Variants in MMP15 observed in about 807,000 individuals in gnomAD.
MMP15 encodes matrix metallopeptidase 15.
A neutral mutation model predicts 65.0 loss-of-function variants in MMP15; 36 were observed. That is an observed-to-expected ratio of 0.55 (90% confidence interval 0.42 to 0.73). The LOEUF (loss-of-function observed/expected upper bound fraction) is 0.73, where lower values mean the gene tolerates loss of function less well. Among genes scored for constraint, MMP15 ranks in the 30% least tolerant of loss-of-function variants. The pLI is 0.00. For synonymous variants in MMP15, 428 were observed against 410.2 expected (o/e 1.04, Z -0.52); for missense variants, 870 against 987.8 (o/e 0.88, Z 1.60).
In MMP15 at chr16:58,042,236, C is replaced by G. The variant is rs1230815831; in HGVS notation, c.1170C>G (p.Arg390=). The part of the protein sequence containing the change: ...LRGEMFVFKG[R]WFWRVRHNRV... Reference sequence around the variant, plus strand: ...TCACACTATGCCCTCCCCAGGGCCGCTGGTTCTGGCGAGTCCGGCACAACC... The same window carrying G: ...TCACACTATGCCCTCCCCAGGGCCGGTGGTTCTGGCGAGTCCGGCACAACC... The change falls in exon 7 of 10, where the codon CGC becomes CGG. Residue 390 remains arginine (R), a synonymous_variant. Coordinates refer to ENST00000219271, the MANE Select transcript of MMP15 (RefSeq NM_002428.4). The G allele has an allele frequency of 1.2e-6, 2 of 1,613,512 alleles. No homozygotes were observed. Among genetic ancestry groups the G allele is most frequent in the African/African-American group, 2.7e-5 (2 of 74,944 alleles).
chr16:58,028,673 C>G (rs935208391), intron 1 of MMP15, among the ~76,000 whole-genome samples: 3 of 152,332 alleles, frequency 2.0e-5, no homozygotes, highest in African/African-American at 7.2e-5. Context: ...AGGGTCACAG[C>G]TGGGACCTTC....
chr16:58,026,366 A>G lies in MMP15; in HGVS notation c.16A>G (p.Ser6Gly), dbSNP rs1308311784. The G allele has an allele frequency of 3.7e-6, 5 of 1,364,526 alleles. No individual in the cohort carries two copies. Among genetic ancestry groups the G allele is most frequent in the Non-Finnish European group, 4.7e-6 (5 of 1,066,536 alleles). The allele number at this position is 1,364,526 out of a possible 1,614,324, so 84.5% of individuals were successfully genotyped here. A position where few individuals can be genotyped will look rare whatever the true frequency, so the allele number is the denominator to read the frequency against. MGSDP[S>G]APGRPGWTGS... is the part of the protein sequence containing the mutation. ...CGCCGAGAGCATGGGCAGCGACCCG[A>G]GCGCGCCCGGACGGCCGGGCTGGAC... The change falls in exon 1 of 10, where the codon AGC (serine) becomes GGC (glycine). Residue 6 changes from serine (S) to glycine (G), a missense_variant. Physicochemically the swap from Ser to Gly is moderately conservative, Grantham distance 56. Coordinates refer to ENST00000219271, the MANE Select transcript of MMP15 (RefSeq NM_002428.4).
rs199918707 is a variant in MMP15 at position 58,043,402 on chromosome 16, T to C, written c.1454+42T>C. Reference sequence around the variant, plus strand: ...TCCCCTAAGGGGAGAAGGCCCCATCTAGGCCCCCCTCAACCTCAGGCCTAC... The same window carrying C: ...TCCCCTAAGGGGAGAAGGCCCCATCCAGGCCCCCCTCAACCTCAGGCCTAC... On this transcript the variant is annotated intron_variant, in intron 8 of 9. Coordinates refer to ENST00000219271, the MANE Select transcript of MMP15 (RefSeq NM_002428.4). 1,222 of 1,593,846 alleles carry C rather than the reference T, an allele frequency of 7.7e-4. 7 individuals carry two copies. Among genetic ancestry groups the C allele is most frequent in the South Asian group, 6.2e-3 (547 of 88,376 alleles).
chr16:58,043,205 T>C lies in MMP15; in HGVS notation c.1304-5T>C. 6.3e-7 allele frequency: 1 copy of C among 1,584,144 alleles called. No individual in the cohort carries two copies. The highest frequency in any genetic ancestry group is 8.6e-7 in the Non-Finnish European group (1 of 1,162,940). On this transcript the variant is annotated splice_region_variant and splice_polypyrimidine_tract_variant and intron_variant, in intron 7 of 9. Transcript: ENST00000219271. Reference sequence around the variant, plus strand: ...ACCTCACTGTGCCTGCCACCCCTCCTGTAGGTGACCGCTACTGGCTCTTTC... The same window carrying C: ...ACCTCACTGTGCCTGCCACCCCTCCCGTAGGTGACCGCTACTGGCTCTTTC...
chr16:58,030,349 C>T (rs1027244569), intron 1 of MMP15, among the ~76,000 whole-genome samples: 1 of 152,200 alleles, frequency 6.6e-6, no homozygotes, highest in African/African-American at 2.4e-5. Flanking sequence ...TCAGATAGGG[C>T]TGCTCCACAG....
chr16:58,037,417 A>G (rs550534552), intron 1 of MMP15, 55 bp from the exon 2 acceptor site: 151 of 1,592,772 alleles, frequency 9.5e-5, no homozygotes, highest in South Asian at 2.6e-4. Flanking sequence ...CAGGCTGTGC[A>G]TGTTTGGAGG....
At position 58,038,257 on chromosome 16, in the gene MMP15, A is replaced by G. The variant is rs1156307201; in HGVS notation, c.312-9A>G. 1.2e-6 allele frequency: 2 copies of G among 1,613,586 alleles called. No homozygotes were observed. Among genetic ancestry groups the G allele is most frequent in the Middle Eastern group, 1.7e-4 (1 of 6,056 alleles). On this transcript the variant is annotated splice_polypyrimidine_tract_variant and intron_variant, in intron 2 of 9. Coordinates refer to ENST00000219271, the MANE Select transcript of MMP15 (RefSeq NM_002428.4). Reference sequence around the variant, plus strand: ...GCTCCGTGCTCACCCCTCTGTGTCCATGTCCCAGGTGGATGAAGCGGCCCC... The same window carrying G: ...GCTCCGTGCTCACCCCTCTGTGTCCGTGTCCCAGGTGGATGAAGCGGCCCC...
rs1449437903 is a variant in MMP15, at chr16:58,026,456, C to T, written c.106C>T (p.Leu36Phe). Reference protein sequence around the residue: ...RPRLLPLLLVLLGCLGLGVAA... With the variant: ...RPRLLPLLLVFLGCLGLGVAA... ...GCGACTGCTGCCGCTGCTCCTGGTG[C>T]TTCTGGGCTGCCTGGGCCTTGGCGT... is the stretch of plus-strand genomic sequence containing the variant. The change falls in exon 1 of 10, where the codon CTT (leucine) becomes TTT (phenylalanine). Residue 36 changes from leucine (L) to phenylalanine (F), a missense_variant. Leu to Phe is a conservative substitution (Grantham distance 22). Coordinates refer to ENST00000219271, the MANE Select transcript of MMP15 (RefSeq NM_002428.4). 2 of 1,444,748 alleles carry T rather than the reference C, an allele frequency of 1.4e-6. No homozygotes were observed. Among genetic ancestry groups the T allele is most frequent in the Non-Finnish European group, 9.1e-7 (1 of 1,100,602 alleles). 89.5% of individuals were successfully genotyped at this position (1,444,748 alleles called of 1,614,324 possible).
At chr16:58,034,165 A>G (rs576638114) in intron 1 of MMP15, among the ~76,000 whole-genome samples, 1 of 152,374 alleles carries the variant, frequency 6.6e-6, no homozygotes. Flanking sequence ...CTGTGACTCT[A>G]GGTGACAGGA....
Position 58,026,582 on chromosome 16 carries a change from T to C in MMP15, c.162+70T>C, listed in dbSNP as rs1247747730. On this transcript the variant is annotated intron_variant, in intron 1 of 9. Coordinates refer to ENST00000219271, the MANE Select transcript of MMP15 (RefSeq NM_002428.4). ...AGGGAGAGGCGCCACGTCCGCAGGC[T>C]GGGACTTGGAGGTGGAGGGAGCGGA... 3 of 1,275,620 alleles carry C rather than the reference T, an allele frequency of 2.4e-6. No homozygotes were observed. In the East Asian group the frequency reaches 9.4e-5, roughly 40 times the overall value. The allele number at this position is 1,275,620 out of a possible 1,614,324, so 79.0% of individuals were successfully genotyped here. A position where few individuals can be genotyped will look rare whatever the true frequency, so the allele number is the denominator to read the frequency against.
chr16:58,043,991 C>T (rs991275617), intron 9 of MMP15, among the ~76,000 whole-genome samples: 1 of 152,136 alleles, frequency 6.6e-6, no homozygotes, highest in South Asian at 2.1e-4. Flanking sequence ...CCCAGGGGAG[C>T]CTTGAGCCTG....
chr16:58,027,232 G>A (rs1314557345), intron 1 of MMP15, among the ~76,000 whole-genome samples: 3 of 152,204 alleles, frequency 2.0e-5, no homozygotes, highest in Non-Finnish European at 4.4e-5. Flanking sequence ...TGGACCCCGC[G>A]CCTCTCTTCG....
chr16:58,037,769 T>C (rs1959365531), intron 2 of MMP15, 149 bp downstream of exon 2: 2 of 1,195,558 alleles, frequency 1.7e-6, no homozygotes, highest in Non-Finnish European at 2.3e-6. Flanking sequence ...TTCTGATTGG[T>C]TGGAGTGGCT....
intron 1 of MMP15, among the ~76,000 whole-genome samples, chr16:58,033,021 G>C (rs1959261493): frequency 4.0e-5 from 1 of 24,738 alleles, no homozygotes; most frequent in South Asian, 3.6e-3. Context: ...GGGCCGGCTG[G>C]GGCGGCTGCA....
chr16:58,039,978 G>C lies in MMP15; in HGVS notation c.544G>C (p.Val182Leu), dbSNP rs1959415877. ...GGCCACGCCCCTGGTCTTCCAGGAG[G>C]TGCCCTATGAGGACATCCGGCTGCG... Reference protein sequence around the residue: ...EQATPLVFQEVPYEDIRLRRQ... With the variant: ...EQATPLVFQELPYEDIRLRRQ... The change falls in exon 4 of 10, where the codon GTG (valine) becomes CTG (leucine). Residue 182 changes from valine (V) to leucine (L), a missense_variant. Physicochemically the swap from Val to Leu is conservative, Grantham distance 32. Transcript: ENST00000219271. 1 of 1,613,894 alleles carries C rather than the reference G, an allele frequency of 6.2e-7. No individual in the cohort carries two copies. The highest frequency in any genetic ancestry group is 1.1e-5 in the South Asian group (1 of 91,092).
At position 58,038,264 on chromosome 16, in the gene MMP15, A is replaced by G. The variant is rs138348961; in HGVS notation, c.312-2A>G. On this transcript the variant is annotated splice_acceptor_variant, in intron 2 of 9. Transcript: ENST00000219271. LOFTEE classifies it high-confidence loss of function. ...GCTCACCCCTCTGTGTCCATGTCCC[A>G]GGTGGATGAAGCGGCCCCGCTGTGG... The G allele has an allele frequency of 1.9e-6, 3 of 1,613,666 alleles. No individual in the cohort carries two copies. The highest frequency in any genetic ancestry group is 2.5e-6 in the Non-Finnish European group (3 of 1,179,992).
chr16:58,034,781 G>A (rs1314509515), intron 1 of MMP15, among the ~76,000 whole-genome samples: 3 of 152,274 alleles, frequency 2.0e-5, no homozygotes, highest in South Asian at 2.1e-4. Flanking sequence ...GTTTCTCTGT[G>A]TGGAGGGTCC....
chr16:58,043,154 G>C, intron 7 of MMP15, 56 bp from the exon 8 acceptor site: 1 of 1,464,710 alleles, frequency 6.8e-7, no homozygotes, highest in Non-Finnish European at 9.1e-7. Flanking sequence ...TTCTTTTCCC[G>C]CACACACCCC....
intron 1 of MMP15, among the ~76,000 whole-genome samples, chr16:58,034,842 A>G (rs1959297029): frequency 6.6e-6 from 1 of 152,064 alleles, no homozygotes; most frequent in African/African-American, 2.4e-5. Flanking sequence ...CCCGGGGTTG[A>G]AGGGGCCCCT....
Sources: allele counts gnomAD v4.1 joint callset (sites outside exome capture counted in the v4.1 genomes callset), GRCh38; gene constraint gnomAD v4.1.1; transcripts MANE v1.5; gene names NCBI Gene and HGNC (gene_info 2026-07-23, HGNC 2026-07-21).